The following ARPC5 variants were observed in gnomAD, a reference collection of about 807,000 sequenced individuals.
ARPC5 encodes the protein actin-related protein 2/3 complex subunit 5.
Under a neutral mutation model 15.4 loss-of-function variants are expected in ARPC5, and 5 were observed. That is an observed-to-expected ratio of 0.32 (90% CI 0.17 to 0.68). The LOEUF is 0.68. Among genes scored for constraint, ARPC5 ranks in the 30% least tolerant of loss-of-function variants. ARPC5 has a pLI of 0.71. For missense variants in ARPC5, 138 were observed against 192.8 expected (o/e 0.72, Z 1.68); for synonymous variants, 85 against 72.2 (o/e 1.18, Z -0.90).
rs1649126878 is a variant in ARPC5, at chr1:183,627,122, T to C, written c.*410A>G. 6.3e-6 allele frequency: 1 copy of C among 157,910 alleles called. No individual in the cohort carries two copies. Among genetic ancestry groups the C allele is most frequent in the African/African-American group, 2.4e-5 (1 of 41,566 alleles). The allele number at this position is 157,910 out of a possible 1,614,324, so 9.8% of individuals were successfully genotyped here. A position where few individuals can be genotyped will look rare whatever the true frequency, so the allele number is the denominator to read the frequency against. On this transcript the variant is annotated 3_prime_UTR_variant, in exon 4 of 4. Coordinates refer to ENST00000359856, the MANE Select transcript of ARPC5 (RefSeq NM_005717.4). ...CTCTCATATTTTTTATAAATATCATTTCCTGACTAGCAATGAGCTAGGAAA... is the reference window on the plus strand; with the variant it reads ...CTCTCATATTTTTTATAAATATCATCTCCTGACTAGCAATGAGCTAGGAAA...
Position 183,623,540 on chromosome 1 carries a change from G to A in ARPC5, c.*3992C>T. ...AGTGACATTGGGGTGAGGGGGAGAGGGAGTGGGGCAGAGGTCCCGCGGCAG... is the reference window on the plus strand; with the variant it reads ...AGTGACATTGGGGTGAGGGGGAGAGAGAGTGGGGCAGAGGTCCCGCGGCAG... On this transcript the variant is annotated 3_prime_UTR_variant, in exon 4 of 4. Coordinates refer to ENST00000359856, the MANE Select transcript of ARPC5 (RefSeq NM_005717.4). The A allele has an allele frequency of 6.5e-7, 1 of 1,549,174 alleles. No homozygotes were observed. Among genetic ancestry groups the A allele is most frequent in the Non-Finnish European group, 8.7e-7 (1 of 1,146,134 alleles).
chr1:183,633,003 A>ATTT (rs138442122), intron 2 of ARPC5, 79 bp downstream of exon 2: 113 of 1,077,424 alleles, frequency 1.0e-4, no homozygotes, highest in African/African-American at 8.3e-4. Context: ...TAAAATATTG[A>ATTT]TTTTTTTTTG....
At chr1:183,631,407 C>T (rs968578593) in intron 2 of ARPC5, 1 of 151,752 alleles carries the variant, frequency 6.6e-6, no homozygotes, top group Non-Finnish European at 1.5e-5. Flanking sequence ...TGGTAAAACC[C>T]TGTCTCTACT....
Position 183,624,610 on chromosome 1 carries a change from ACT to A in ARPC5, c.*2920_*2921del, listed in dbSNP as rs1246687771. 6.6e-6 allele frequency: 1 copy of A among 152,162 alleles called. No homozygotes were observed. The highest frequency in any genetic ancestry group is 1.5e-5 in the Non-Finnish European group (1 of 68,048). 9.4% of individuals were successfully genotyped at this position (152,162 alleles called of 1,614,324 possible). A position where few individuals can be genotyped will look rare whatever the true frequency, so the allele number is the denominator to read the frequency against. On this transcript the variant is annotated 3_prime_UTR_variant, in exon 4 of 4. Transcript: ENST00000359856. ...AACCCACTTTTAACTTTCTCTTTCTACTCTGTTCATTTCACTTGGACCGTTTG... is the reference window on the plus strand; with the variant it reads ...AACCCACTTTTAACTTTCTCTTTCTACTGTTCATTTCACTTGGACCGTTTG...
rs1197085431 is a variant in ARPC5 at position 183,626,392 on chromosome 1, GGTTT to G, written c.*1136_*1139del. 6.6e-6 allele frequency: 1 copy of G among 152,230 alleles called. No homozygotes were observed. The highest frequency in any genetic ancestry group is 6.5e-5 in the Admixed American group (1 of 15,278). The allele number at this position is 152,230 out of a possible 1,614,324, so 9.4% of individuals were successfully genotyped here. A position where few individuals can be genotyped will look rare whatever the true frequency, so the allele number is the denominator to read the frequency against. ...AAGCTCACTTCCCTCTTGGTCAGGT[GGTTT>G]GTTTTAGAGCTACTCGATATTTATA... is the stretch of plus-strand genomic sequence containing the variant. On this transcript the variant is annotated 3_prime_UTR_variant, in exon 4 of 4. Coordinates refer to ENST00000359856, the MANE Select transcript of ARPC5 (RefSeq NM_005717.4).
intron 2 of ARPC5, chr1:183,631,733 A>T (rs1274063104): frequency 6.6e-6 from 1 of 152,214 alleles, no homozygotes; most frequent in Admixed American, 6.5e-5. Context: ...AATTGACTGT[A>T]ATTTATATGA....
In ARPC5 at chr1:183,622,712, T is replaced by A. The variant is rs2862067; in HGVS notation, c.*4820A>T. ...TCTGTTCCTCAGCCACTTTCTCTGG[T>A]GACTTCTGGCAAAGCTAAACACTAT... On this transcript the variant is annotated 3_prime_UTR_variant, in exon 4 of 4. Transcript: ENST00000359856. The A allele has an allele frequency of 0.28, 42,554 of 152,094 alleles. 6,704 individuals carry two copies. Among genetic ancestry groups the A allele is most frequent in the Middle Eastern group, 0.38 (111 of 294 alleles). The allele number at this position is 152,094 out of a possible 1,614,324, so 9.4% of individuals were successfully genotyped here.
chr1:183,621,297 G>A lies in ARPC5; in HGVS notation c.*6235C>T, dbSNP rs565677934. The A allele has an allele frequency of 6.6e-6, 1 of 152,270 alleles. No homozygotes were observed. Among genetic ancestry groups the A allele is most frequent in the East Asian group, 1.9e-4 (1 of 5,184 alleles). The allele number at this position is 152,270 out of a possible 1,614,324, so 9.4% of individuals were successfully genotyped here. ...ACTTTTAGGAATTGATCTACAAATAGGCTTGAACATATGTAAAATGACTTG... is the reference window on the plus strand; with the variant it reads ...ACTTTTAGGAATTGATCTACAAATAAGCTTGAACATATGTAAAATGACTTG... On this transcript the variant is annotated 3_prime_UTR_variant, in exon 4 of 4. Coordinates refer to ENST00000359856, the MANE Select transcript of ARPC5 (RefSeq NM_005717.4).
At chr1:183,633,320 A>ATT (rs2101958040) in intron 1 of ARPC5, 166 bp from the exon 2 acceptor site, 1 of 508,824 alleles carries the variant, frequency 2.0e-6, no homozygotes, top group African/African-American at 2.0e-5. Flanking sequence ...CAAAGGCAAA[A>ATT]TATCAAAAGC....
Position 183,621,762 on chromosome 1 carries a change from G to C in ARPC5, c.*5770C>G, listed in dbSNP as rs565707690. ...AAACTGTCATGGTGCCGGTGGGAGC[G>C]TAGCGGTGAGGATGGCCAGAGGCAG... On this transcript the variant is annotated 3_prime_UTR_variant, in exon 4 of 4. Coordinates refer to ENST00000359856, the MANE Select transcript of ARPC5 (RefSeq NM_005717.4). 6.6e-6 allele frequency: 1 copy of C among 152,106 alleles called. No homozygotes were observed. Among genetic ancestry groups the C allele is most frequent in the African/African-American group, 2.4e-5 (1 of 41,428 alleles). The allele number at this position is 152,106 out of a possible 1,614,324, so 9.4% of individuals were successfully genotyped here. A position where few individuals can be genotyped will look rare whatever the true frequency, so the allele number is the denominator to read the frequency against.
Position 183,630,634 on chromosome 1 carries a change from G to A in ARPC5, c.220C>T (p.Arg74Trp), listed in dbSNP as rs369978826. The change falls in exon 3 of 4, where the codon CGG (arginine) becomes TGG (tryptophan). Residue 74 changes from arginine to tryptophan, a missense_variant. Around this residue, in one of 3 missense-constraint regions of ARPC5, gnomAD observed 121 missense variants for 153.7 expected, o/e 0.79. Coordinates refer to ENST00000359856, the MANE Select transcript of ARPC5 (RefSeq NM_005717.4). ...ACCTTCAAGACAATGCTGCCTGCCC[G>A]GTCCTGGTGGGTCAATAAATAACAG... ...INTKSQAVKD[R>W]AGSIVLKVLI... The A allele has an allele frequency of 1.1e-5, 17 of 1,608,778 alleles. No homozygotes were observed. The highest frequency in any genetic ancestry group is 1.7e-4 in the Middle Eastern group (1 of 6,042).
In ARPC5 at chr1:183,621,433, A is replaced by G. The variant is rs997456419; in HGVS notation, c.*6099T>C. ...TATGGTACATTTATTTATATAATAG[A>G]ATTATTATGCAGTCATAAAAATAAA... On this transcript the variant is annotated 3_prime_UTR_variant, in exon 4 of 4. Coordinates refer to ENST00000359856, the MANE Select transcript of ARPC5 (RefSeq NM_005717.4). 2 of 152,248 alleles carry G rather than the reference A, an allele frequency of 1.3e-5. No individual in the cohort carries two copies. The highest frequency in any genetic ancestry group is 2.9e-5 in the Non-Finnish European group (2 of 68,042). 9.4% of individuals were successfully genotyped at this position (152,248 alleles called of 1,614,324 possible). A position where few individuals can be genotyped will look rare whatever the true frequency, so the allele number is the denominator to read the frequency against.
intron 1 of ARPC5, among the ~76,000 whole-genome samples, chr1:183,635,275 A>C (rs998130476): frequency 6.6e-5 from 10 of 152,190 alleles, no homozygotes; most frequent in African/African-American, 2.2e-4. Context: ...GGGGGCGTGG[A>C]AGGCGCGCGG....
At chr1:183,628,172 CAAAAAAAAA>C (rs3068220) in intron 3 of ARPC5, among the ~76,000 whole-genome samples, 65 of 46,072 alleles carry the variant, frequency 1.4e-3, no homozygotes, top group African/African-American at 3.0e-3. Flanking sequence ...GACTCCGTCT[CAAAAAAAAA>C]AAAAAAAAAA....
chr1:183,630,067 C>A (rs911479511), intron 3 of ARPC5, among the ~76,000 whole-genome samples: 1 of 152,150 alleles, frequency 6.6e-6, no homozygotes, highest in African/African-American at 2.4e-5. Flanking sequence ...GAATGTCATT[C>A]CTTTTAATGG....
chr1:183,623,170 C>T lies in ARPC5; in HGVS notation c.*4362G>A. On this transcript the variant is annotated 3_prime_UTR_variant, in exon 4 of 4. Transcript: ENST00000359856. ...TGGAAAATACGGGAGTTTTAGAATGCTTTGGAATTCAGGTGGGTCATACAC... is the reference window on the plus strand; with the variant it reads ...TGGAAAATACGGGAGTTTTAGAATGTTTTGGAATTCAGGTGGGTCATACAC... 2.1e-6 allele frequency: 1 copy of T among 481,854 alleles called. No individual in the cohort carries two copies. Among genetic ancestry groups the T allele is most frequent in the Non-Finnish European group, 3.8e-6 (1 of 264,952 alleles). 29.8% of individuals were successfully genotyped at this position (481,854 alleles called of 1,614,324 possible).
Position 183,624,707 on chromosome 1 carries a change from TTTG to T in ARPC5, c.*2822_*2824del, listed in dbSNP as rs1422435929. ...TTTAAATACTCTGATCCACCCTGAT[TTTG>T]TTGTTCTCCCAACATTGACTAACTG... On this transcript the variant is annotated 3_prime_UTR_variant, in exon 4 of 4. Transcript: ENST00000359856. 6.6e-6 allele frequency: 1 copy of T among 152,230 alleles called. No homozygotes were observed. Among genetic ancestry groups the T allele is most frequent in the Admixed American group, 6.5e-5 (1 of 15,288 alleles). The allele number at this position is 152,230 out of a possible 1,614,324, so 9.4% of individuals were successfully genotyped here.
At chr1:183,634,585 G>A (rs1649378091) in intron 1 of ARPC5, among the ~76,000 whole-genome samples, 1 of 152,184 alleles carries the variant, frequency 6.6e-6, no homozygotes, top group South Asian at 2.1e-4. Flanking sequence ...CAAATGCGAA[G>A]CCAAAGTTAT....
chr1:183,626,296 T>C lies in ARPC5; in HGVS notation c.*1236A>G, dbSNP rs1325843774. On this transcript the variant is annotated 3_prime_UTR_variant, in exon 4 of 4. Coordinates refer to ENST00000359856, the MANE Select transcript of ARPC5 (RefSeq NM_005717.4). ...GGTATCAAAAACAGCAAAGAGTTTA[T>C]AGAATTTCTGCACCAGTTTGCACAT... is the stretch of plus-strand genomic sequence containing the variant. 2 of 152,248 alleles carry C rather than the reference T, an allele frequency of 1.3e-5. No homozygotes were observed. The highest frequency in any genetic ancestry group is 6.5e-5 in the Admixed American group (1 of 15,288). 9.4% of individuals were successfully genotyped at this position (152,248 alleles called of 1,614,324 possible). A position where few individuals can be genotyped will look rare whatever the true frequency, so the allele number is the denominator to read the frequency against.
Sources: gnomAD v4.1 joint callset for allele counts (sites outside exome capture counted in the v4.1 genomes callset) on GRCh38, gnomAD v4.1.1 for gene constraint, gnomAD v4.1.1 regional missense constraint, MANE v1.5 for transcripts, NCBI Gene and HGNC (gene_info 2026-07-23, HGNC 2026-07-21) for gene names.